Variants in SFMBT1 observed in about 807,000 individuals in gnomAD.
SFMBT1 encodes scm-like with four MBT domains protein 1.
In SFMBT1, 32 loss-of-function variants were observed where a neutral mutation model predicts 108.7. The observed-to-expected ratio is 0.29, with a 90% CI of 0.22 to 0.40. SFMBT1 has a LOEUF of 0.40. SFMBT1 is among the 10% of genes least tolerant of loss of function. The pLI, the probability that SFMBT1 is intolerant of heterozygous loss-of-function variation, is 1.00. For missense variants in SFMBT1, 816 were observed against 1,059.6 expected, an observed-to-expected ratio of 0.77 and a Z score of 3.19; for synonymous variants, 348 against 369.5, an observed-to-expected ratio of 0.94 and a Z score of 0.67.
chr3:53,024,630 G>A lies in SFMBT1; in HGVS notation c.-131+21186C>T, dbSNP rs563451174. On this transcript the variant is annotated intron_variant, in intron 1 of 20. Transcript: ENST00000394752. ...CAGGGAAGACAGCTAAGAGGCTCCC[G>A]AAATAATCCAAGTCAAACTGAATGA... Among the ~76,000 whole-genome samples, 396 of 152,296 alleles carry A rather than the reference G, an allele frequency of 2.6e-3. 1 individual carries two copies. The highest frequency in any genetic ancestry group is 0.01 in the Middle Eastern group (3 of 294).
intron 5 of SFMBT1, 121 bp from the exon 6 acceptor site, chr3:52,932,429 C>T (rs1702886767): frequency 1.1e-6 from 1 of 916,318 alleles, no homozygotes; most frequent in Non-Finnish European, 1.6e-6. Flanking sequence ...AAGCCAGTGA[C>T]ACTAAATTGT....
chr3:53,031,594 T>C (rs1699688487), intron 1 of SFMBT1, among the ~76,000 whole-genome samples: 1 of 63,306 alleles, frequency 1.6e-5, no homozygotes, highest in Non-Finnish European at 4.9e-5. Context: ...ACTATAACAC[T>C]GTAAAAAAAA....
At chr3:53,001,770 TA>T (rs1698556342) in intron 1 of SFMBT1, among the ~76,000 whole-genome samples, 1 of 147,296 alleles carries the variant, frequency 6.8e-6, no homozygotes, top group South Asian at 2.2e-4. Flanking sequence ...AAAAAAATTG[TA>T]AAAAATTTGC....
intron 1 of SFMBT1, among the ~76,000 whole-genome samples, chr3:53,000,355 CT>C (rs1240985150): frequency 6.8e-6 from 1 of 146,606 alleles, no homozygotes; most frequent in Non-Finnish European, 1.5e-5. Context: ...GACTTAATGT[CT>C]GGCACACTAA....
At chr3:52,982,616 C>T (rs1704751247) in intron 1 of SFMBT1, among the ~76,000 whole-genome samples, 2 of 150,480 alleles carry the variant, frequency 1.3e-5, no homozygotes, top group Admixed American at 6.7e-5. Context: ...GTAATCCCAG[C>T]TACTCAGGAG....
At chr3:52,953,715 A>G (rs1365055957) in intron 3 of SFMBT1, among the ~76,000 whole-genome samples, 1 of 152,244 alleles carries the variant, frequency 6.6e-6, no homozygotes, top group Admixed American at 6.5e-5. Context: ...AAAGTACAAT[A>G]ATTTTTTTCA....
rs181859614 is a variant in SFMBT1 at position 52,961,367 on chromosome 3, C to T, written c.29-6956G>A. On this transcript the variant is annotated intron_variant, in intron 2 of 20. Transcript: ENST00000394752. Reference sequence around the variant, plus strand: ...GGAGATGGATGGCAGTGATTACTGCCCAACAATGTGAATGTACTTAATGCC... The same window carrying T: ...GGAGATGGATGGCAGTGATTACTGCTCAACAATGTGAATGTACTTAATGCC... Among the ~76,000 whole-genome samples the T allele has an allele frequency of 3.3e-5, 5 of 152,084 alleles. No individual in the cohort carries two copies. In the East Asian group the frequency reaches 9.7e-4, roughly 29 times the overall value.
chr3:52,934,240 T>C (rs532518430), intron 5 of SFMBT1, among the ~76,000 whole-genome samples: 4 of 152,300 alleles, frequency 2.6e-5, no homozygotes, highest in Admixed American at 2.6e-4. Context: ...ATTTCACATA[T>C]GCCACAAATA....
intron 1 of SFMBT1, among the ~76,000 whole-genome samples, chr3:53,013,715 G>A (rs1190847227): frequency 4.1e-5 from 5 of 120,778 alleles, no homozygotes; most frequent in Admixed American, 1.1e-4. Context: ...TGCAACCTCC[G>A]CCTCCTGGGT....
At chr3:52,956,331 G>C (rs997084610) in intron 2 of SFMBT1, among the ~76,000 whole-genome samples, 2 of 152,154 alleles carry the variant, frequency 1.3e-5, no homozygotes, top group East Asian at 3.9e-4. Flanking sequence ...GTGGCGGCAC[G>C]CACCTGTAGT....
intron 1 of SFMBT1, among the ~76,000 whole-genome samples, chr3:52,984,636 T>C (rs1704838055): frequency 6.6e-6 from 1 of 151,708 alleles, no homozygotes; most frequent in Admixed American, 6.6e-5. Flanking sequence ...CAGGCATAAA[T>C]AATCTTTAAA....
At chr3:52,973,857 G>A (rs1300733073) in intron 1 of SFMBT1, among the ~76,000 whole-genome samples, 1 of 152,164 alleles carries the variant, frequency 6.6e-6, no homozygotes, top group African/African-American at 2.4e-5. Context: ...GACCTCAAGT[G>A]ATCCGCCTGC....
intron 1 of SFMBT1, among the ~76,000 whole-genome samples, chr3:53,037,561 G>A (rs1699905253): frequency 6.6e-6 from 1 of 152,190 alleles, no homozygotes; most frequent in Non-Finnish European, 1.5e-5. Context: ...AAGAGATCAA[G>A]GGATTCAGAT....
At chr3:52,938,746 A>G (rs1203485532) in intron 4 of SFMBT1, among the ~76,000 whole-genome samples, 1 of 152,092 alleles carries the variant, frequency 6.6e-6, no homozygotes, top group Non-Finnish European at 1.5e-5. Flanking sequence ...CAGAGCATAC[A>G]GCTATTATAT....
chr3:53,039,426 CAG>C (rs1699964541), intron 1 of SFMBT1, among the ~76,000 whole-genome samples: 3 of 152,124 alleles, frequency 2.0e-5, no homozygotes, highest in Non-Finnish European at 4.4e-5. Context: ...ATCATAAAGA[CAG>C]AAAGTAGAAC....
At chr3:52,945,151 A>AAAAACAAAAAAAAAAAAAAC (rs1208407962) in intron 3 of SFMBT1, among the ~76,000 whole-genome samples, 3 of 148,688 alleles carry the variant, frequency 2.0e-5, no homozygotes, top group Admixed American at 6.7e-5. Flanking sequence ...AAAAAAAAAA[A>AAAAACAAAAAAAAAAAAAAC]CAAGGACTTC....
chr3:52,964,434 A>C (rs994341993), intron 2 of SFMBT1, among the ~76,000 whole-genome samples: 1 of 152,186 alleles, frequency 6.6e-6, no homozygotes, highest in Non-Finnish European at 1.5e-5. Context: ...AGATCACCTG[A>C]ACTTAGGAGT....
chr3:53,003,254 C>T (rs759305110), intron 1 of SFMBT1, among the ~76,000 whole-genome samples: 3 of 148,294 alleles, frequency 2.0e-5, no homozygotes, highest in Non-Finnish European at 4.5e-5. Flanking sequence ...ACAATTAAAA[C>T]GTATTCTTCA....
At position 53,040,935 on chromosome 3, in the gene SFMBT1, G is replaced by A. The variant is rs375671413; in HGVS notation, c.-131+4881C>T. 1.8e-4 allele frequency among the ~76,000 whole-genome samples: 26 copies of A among 142,126 alleles called. No individual in the cohort carries two copies. The East Asian group carries it at 2.5e-3, about 14-fold the overall frequency. 93.2% of individuals were successfully genotyped at this position (142,126 alleles called of 152,430 possible). On this transcript the variant is annotated intron_variant, in intron 1 of 20. Transcript: ENST00000394752. ...TATACCTGCCTCAGCCTCCCGAGTAGCTGAGACTACAGGCATGCACCAAGA... is the reference window on the plus strand; with the variant it reads ...TATACCTGCCTCAGCCTCCCGAGTAACTGAGACTACAGGCATGCACCAAGA...
Sources: gnomAD v4.1 joint callset for allele counts (sites outside exome capture counted in the v4.1 genomes callset) on GRCh38, gnomAD v4.1.1 for gene constraint, MANE v1.5 for transcripts, NCBI Gene and HGNC (gene_info 2026-07-23, HGNC 2026-07-21) for gene names.